NOL4L: variants seen among roughly 807,000 people sequenced by gnomAD.
The protein encoded by NOL4L is nucleolar protein 4 like, also known as nucleolar protein 4-like.
A neutral mutation model predicts 64.5 loss-of-function variants in NOL4L; 7 were observed. The ratio of observed to expected loss-of-function variants is 0.11; its 90% CI spans 0.06 to 0.20. The LOEUF (loss-of-function observed/expected upper bound fraction) is 0.20, where lower values mean the gene tolerates loss of function less well. NOL4L is among the 10% of genes least tolerant of loss of function. NOL4L has a pLI of 1.00. For synonymous variants in NOL4L, 413 were observed against 401.0 expected (o/e 1.03, Z -0.36); for missense variants, 680 against 967.1 (o/e 0.70, Z 3.94).
At chr20:32,560,900 C>T (rs1260743898) in intron 1 of NOL4L, among the ~76,000 whole-genome samples, 1 of 152,266 alleles carries the variant, frequency 6.6e-6, no homozygotes, top group Non-Finnish European at 1.5e-5. Context: ...GAACACTGGG[C>T]ATTCTCACGC....
chr20:32,557,694 A>C (rs1033805148), intron 1 of NOL4L, among the ~76,000 whole-genome samples: 10 of 152,238 alleles, frequency 6.6e-5, no homozygotes, highest in African/African-American at 2.4e-4. Flanking sequence ...AACCAGTCAC[A>C]GGGGAACCTT....
chr20:32,537,963 G>C (rs934870811), intron 1 of NOL4L, among the ~76,000 whole-genome samples: 5 of 152,114 alleles, frequency 3.3e-5, no homozygotes, highest in Non-Finnish European at 1.5e-5. Context: ...AGTTTTAATA[G>C]AGACAGGGTT....
intron 3 of NOL4L, among the ~76,000 whole-genome samples, chr20:32,513,028 C>G (rs1388942098): frequency 6.6e-6 from 1 of 152,188 alleles, no homozygotes; most frequent in Non-Finnish European, 1.5e-5. Flanking sequence ...TACTTGTTAC[C>G]TGGCCTCCTC....
intron 5 of NOL4L, chr20:32,465,010 T>C: frequency 1.6e-6 from 1 of 620,044 alleles, no homozygotes; most frequent in Non-Finnish European, 2.9e-6. Context: ...CCCCTAAAAC[T>C]GAAATCATTT....
chr20:32,569,948 T>C (rs781296199), intron 1 of NOL4L, among the ~76,000 whole-genome samples: 1 of 152,188 alleles, frequency 6.6e-6, no homozygotes, highest in Non-Finnish European at 1.5e-5. Flanking sequence ...CATTTGCCGG[T>C]AGTTTCTTGT....
chr20:32,542,600 C>T (rs190200408), intron 1 of NOL4L, among the ~76,000 whole-genome samples: 57 of 152,242 alleles, frequency 3.7e-4, no homozygotes, highest in African/African-American at 1.2e-3. Flanking sequence ...GAGATCCTCC[C>T]GCCTCAGCCT....
intron 1 of NOL4L, among the ~76,000 whole-genome samples, chr20:32,567,569 G>C (rs1979504400): frequency 6.6e-6 from 1 of 152,232 alleles, no homozygotes; most frequent in African/African-American, 2.4e-5. Flanking sequence ...GTCCCCCACA[G>C]AGGGAGGAAA....
chr20:32,501,347 GAA>G (rs1429709498), intron 4 of NOL4L, among the ~76,000 whole-genome samples: 1 of 152,114 alleles, frequency 6.6e-6, no homozygotes, highest in Non-Finnish European at 1.5e-5. Context: ...CAAAAACAAG[GAA>G]AGTCTGAGAA....
chr20:32,472,070 G>A (rs1241220974), intron 5 of NOL4L, among the ~76,000 whole-genome samples: 1 of 152,158 alleles, frequency 6.6e-6, no homozygotes, highest in African/African-American at 2.4e-5. Context: ...CCACACTCCC[G>A]GCGAAAAGAA....
In NOL4L at chr20:32,456,370, G is replaced by A. The variant is rs149678556; in HGVS notation, c.867C>T (p.Ser289=). 31 of 1,469,068 alleles carry A rather than the reference G, an allele frequency of 2.1e-5. No individual in the cohort carries two copies. Among genetic ancestry groups the A allele is most frequent in the South Asian group, 5.7e-5 (4 of 69,688 alleles). The allele number at this position is 1,469,068 out of a possible 1,614,324, so 91.0% of individuals were successfully genotyped here. A position where few individuals can be genotyped will look rare whatever the true frequency, so the allele number is the denominator to read the frequency against. The change falls in exon 6 of 11, where the codon AGC becomes AGT. Residue 289 remains serine (S), a synonymous_variant. Coordinates refer to ENST00000621426, the MANE Select transcript of NOL4L (RefSeq NM_001256798.2). ...EDDDSSSESG[S]GNGSSTLNPS... ...GGTTCAGGGTGGAGGAGCCATTGCC[G>A]CTGCCACTCTCAGAGGAGGAGTCAT...
intron 5 of NOL4L, among the ~76,000 whole-genome samples, chr20:32,461,184 G>A (rs1431566790): frequency 6.6e-6 from 1 of 152,224 alleles, no homozygotes; most frequent in African/African-American, 2.4e-5. Context: ...TACTCCAACT[G>A]GAAGCCAGGT....
At chr20:32,575,491 T>G (rs1387013650) in intron 1 of NOL4L, among the ~76,000 whole-genome samples, 1 of 152,226 alleles carries the variant, frequency 6.6e-6, no homozygotes, top group African/African-American at 2.4e-5. Flanking sequence ...TCCCAAGGAC[T>G]TCTCAGGCCC....
chr20:32,489,043 G>A (rs920082636), intron 4 of NOL4L, among the ~76,000 whole-genome samples: 6 of 87,742 alleles, frequency 6.8e-5, no homozygotes, highest in African/African-American at 2.7e-4. Context: ...TTGCAAATAT[G>A]TTTTCCTTTT....
intron 4 of NOL4L, among the ~76,000 whole-genome samples, chr20:32,501,921 G>A (rs2016937590): frequency 6.6e-6 from 1 of 152,166 alleles, no homozygotes; most frequent in Non-Finnish European, 1.5e-5. Context: ...GTAAGGAAAT[G>A]TAATCATAGC....
At chr20:32,568,479 G>A (rs1299763276) in intron 1 of NOL4L, among the ~76,000 whole-genome samples, 1 of 151,416 alleles carries the variant, frequency 6.6e-6, no homozygotes, top group Non-Finnish European at 1.5e-5. Flanking sequence ...CTGGACCTCA[G>A]ACTCCAGTCT....
At chr20:32,447,838 G>T (rs2012450619) in intron 10 of NOL4L, 22 bp from the exon 11 acceptor site, 2 of 1,525,566 alleles carry the variant, frequency 1.3e-6, no homozygotes, top group East Asian at 4.6e-5. Context: ...GAAGTAGGGT[G>T]AGAAGGGAGC....
chr20:32,492,899 G>C (rs749797427), intron 4 of NOL4L, among the ~76,000 whole-genome samples: 1 of 152,006 alleles, frequency 6.6e-6, no homozygotes, highest in Non-Finnish European at 1.5e-5. Flanking sequence ...CAAGATGTGT[G>C]GGTCTCCAGG....
chr20:32,575,424 C>T (rs1266961946), intron 1 of NOL4L, among the ~76,000 whole-genome samples: 1 of 151,904 alleles, frequency 6.6e-6, no homozygotes, highest in Admixed American at 6.5e-5. Context: ...CTTCCCTATG[C>T]TCTGCTCTTG....
intron 2 of NOL4L, among the ~76,000 whole-genome samples, chr20:32,524,042 C>T (rs2018040025): frequency 6.6e-6 from 1 of 152,184 alleles, no homozygotes; most frequent in Non-Finnish European, 1.5e-5. Flanking sequence ...TCCAAAGTGG[C>T]CTGGGCAGCT....
Sources: allele counts gnomAD v4.1 joint callset (sites outside exome capture counted in the v4.1 genomes callset), GRCh38; gene constraint gnomAD v4.1.1; transcripts MANE v1.5; gene names NCBI Gene and HGNC (gene_info 2026-07-23, HGNC 2026-07-21).